Variants in FBXW9 observed in about 807,000 individuals in gnomAD.
FBXW9 encodes the protein F-box/WD repeat-containing protein 9.
A neutral mutation model predicts 55.8 loss-of-function variants in FBXW9; 38 were observed. That is an observed-to-expected ratio of 0.68 (90% confidence interval 0.53 to 0.89). FBXW9 has a LOEUF of 0.89. Ranked by LOEUF, FBXW9 falls within the 40% of genes least tolerant of loss-of-function variation. The pLI is 0.00. For synonymous variants in FBXW9, 289 were observed against 278.2 expected (o/e 1.04, Z -0.38); for missense variants, 590 against 619.4 (o/e 0.95, Z 0.50).
At chr19:12,691,053 T>G (rs1368585228) in intron 5 of FBXW9, 113 bp downstream of exon 5, 3 of 942,766 alleles carry the variant, frequency 3.2e-6, no homozygotes, top group African/African-American at 3.2e-5. Context: ...ATGGCCACTC[T>G]GAGTGGTGAG....
In FBXW9 at chr19:12,696,529, G is replaced by A. The variant is rs746891816; in HGVS notation, c.53C>T (p.Ser18Leu). 8 of 1,612,638 alleles carry A rather than the reference G, an allele frequency of 5.0e-6. No homozygotes were observed. In the South Asian group the frequency reaches 6.6e-5, roughly 13 times the overall value. ...TGGGTCTGTCTCTGACTCTGGGTCC[G>A]AGTCATCGTCCCAGGTGCGGGAATC... The part of the protein sequence containing the change: ...CDDSRTWDDD[S>L]DPESETDPDA... Residue 18 changes from serine to leucine, a missense_variant, in exon 1 of 10, where the codon TCG becomes TTG. Coordinates refer to ENST00000393261, the MANE Select transcript of FBXW9 (RefSeq NM_032301.3).
At chr19:12,691,310 C>A (rs1404837361) in intron 4 of FBXW9, 32 bp downstream of exon 4, 1 of 1,612,730 alleles carries the variant, frequency 6.2e-7, no homozygotes, top group Non-Finnish European at 8.5e-7. Flanking sequence ...GGGTCCTATC[C>A]CCGCAGGCCC....
At chr19:12,690,547 T>C (rs1254641952) in intron 5 of FBXW9, among the ~76,000 whole-genome samples, 1 of 152,080 alleles carries the variant, frequency 6.6e-6, no homozygotes, top group Non-Finnish European at 1.5e-5. Flanking sequence ...TTTGGGAGGC[T>C]GATATGGGCA....
intron 1 of FBXW9, among the ~76,000 whole-genome samples, 175 bp from the exon 2 acceptor site, chr19:12,695,113 T>A (rs1181939290): frequency 6.6e-6 from 1 of 152,180 alleles, no homozygotes; most frequent in East Asian, 1.9e-4. Flanking sequence ...TGGGACCACC[T>A]GCCTGCCCAT....
rs768833266 is a variant in FBXW9, at chr19:12,690,127, C to T, written c.884-17G>A. 8.7e-6 allele frequency: 14 copies of T among 1,613,058 alleles called. No individual in the cohort carries two copies. In the East Asian group the frequency reaches 2.9e-4, roughly 33 times the overall value. ...CTGGGCCGGCTTCATGGGTGATGGGCCGGTGAGGAGGGATATCAGAGCCCC... is the reference window on the plus strand; with the variant it reads ...CTGGGCCGGCTTCATGGGTGATGGGTCGGTGAGGAGGGATATCAGAGCCCC... On this transcript the variant is annotated splice_polypyrimidine_tract_variant and intron_variant, in intron 5 of 9. Coordinates refer to ENST00000393261, the MANE Select transcript of FBXW9 (RefSeq NM_032301.3).
Position 12,694,654 on chromosome 19 carries a change from C to A in FBXW9, c.618G>T (p.Gly206=), listed in dbSNP as rs749168053. ...TGATCAGAACCTGGTTGGACTCCGT[C>A]CCCAGCTGCCGCAGGTCCCACAAGT... ...NVNLWDLRQL[G]TESNQVLIKT... The change falls in exon 3 of 10, where the codon GGG becomes GGT. Residue 206 remains glycine (G), a synonymous_variant. Transcript: ENST00000393261. The A allele has an allele frequency of 6.2e-7, 1 of 1,614,220 alleles. No individual in the cohort carries two copies. Among genetic ancestry groups the A allele is most frequent in the Non-Finnish European group, 8.5e-7 (1 of 1,180,040 alleles).
chr19:12,695,321 A>G (rs1489934189), intron 1 of FBXW9, among the ~76,000 whole-genome samples: 1 of 152,108 alleles, frequency 6.6e-6, no homozygotes, highest in Non-Finnish European at 1.5e-5. Context: ...TCTGAACCAG[A>G]CCAAGGGGGC....
At position 12,696,169 on chromosome 19, in the gene FBXW9, G is replaced by A. The variant is rs1304924648; in HGVS notation, c.409+4C>T. ...CCCGGTCCCCGGCCCCCGGCCCCGC[G>A]CACCTTCCACCACTGGGTAGGGCGC... is the stretch of plus-strand genomic sequence containing the variant. On this transcript the variant is annotated splice_donor_region_variant and intron_variant, in intron 1 of 9. Transcript: ENST00000393261. 1.3e-6 allele frequency: 2 copies of A among 1,516,276 alleles called. No homozygotes were observed. Among genetic ancestry groups the A allele is most frequent in the Non-Finnish European group, 1.8e-6 (2 of 1,139,396 alleles). The allele number at this position is 1,516,276 out of a possible 1,614,324, so 93.9% of individuals were successfully genotyped here.
rs1338991563 is a variant in FBXW9 at position 12,696,340 on chromosome 19, C to T, written c.242G>A (p.Ser81Asn). ...CTCGAGCAGCAGCTCCGGGGGAAGG[C>T]TCAGAAGGCCCGGCTCACTTACGGC... ...VSAVSEPGLL[S>N]LPPELLLEIC... Residue 81 changes from serine (S) to asparagine (N), a missense_variant, in exon 1 of 10, where the codon AGC becomes AAC. Physicochemically the swap from Ser to Asn is conservative, Grantham distance 46. Coordinates refer to ENST00000393261, the MANE Select transcript of FBXW9 (RefSeq NM_032301.3). The T allele has an allele frequency of 1.3e-6, 2 of 1,598,090 alleles. No homozygotes were observed. Among genetic ancestry groups the T allele is most frequent in the Admixed American group, 1.8e-5 (1 of 56,840 alleles).
intron 1 of FBXW9, among the ~76,000 whole-genome samples, chr19:12,695,862 T>C (rs2025064039): frequency 6.6e-6 from 1 of 152,012 alleles, no homozygotes; most frequent in Non-Finnish European, 1.5e-5. Flanking sequence ...CAATCAGGGG[T>C]CAGTGGCTTA....
Position 12,689,305 on chromosome 19 carries a change from G to A in FBXW9, c.1303-15C>T. The A allele has an allele frequency of 1.2e-6, 2 of 1,614,200 alleles. No individual in the cohort carries two copies. The highest frequency in any genetic ancestry group is 1.1e-5 in the South Asian group (1 of 91,086). ...TCAGCACAGACCTGGGAAGGGGGAG[G>A]AACATGAGGAGTCAGGGACGATGGC... On this transcript the variant is annotated splice_polypyrimidine_tract_variant and intron_variant, in intron 9 of 9. Coordinates refer to ENST00000393261, the MANE Select transcript of FBXW9 (RefSeq NM_032301.3). The surrounding 1 kb of genome is among the most constrained non-coding windows in gnomAD (Gnocchi z 5.9).
rs755318458 is a variant in FBXW9 at position 12,696,288 on chromosome 19, G to A, written c.294C>T (p.Leu98=). 3.8e-6 allele frequency: 6 copies of A among 1,576,064 alleles called. No homozygotes were observed. In the East Asian group the frequency reaches 9.4e-5, roughly 25 times the overall value. ...LEICSYLDAR[L]VLHVLSRVCH... ...ACACCCGCGACAGGACGTGGAGCAC[G>A]AGGCGGGCGTCCAGGTAGGAGCAGA... The change falls in exon 1 of 10, where the codon CTC becomes CTT. Residue 98 remains leucine, a synonymous_variant. Coordinates refer to ENST00000393261, the MANE Select transcript of FBXW9 (RefSeq NM_032301.3).
rs538416657 is a variant in FBXW9 at position 12,692,058 on chromosome 19, G to A, written c.679-604C>T. Among the ~76,000 whole-genome samples, 3 of 142,988 alleles carry A rather than the reference G, an allele frequency of 2.1e-5. No homozygotes were observed. The East Asian group carries it at 6.2e-4, about 29-fold the overall frequency. 93.8% of individuals were successfully genotyped at this position (142,988 alleles called of 152,430 possible). On this transcript the variant is annotated intron_variant, in intron 3 of 9. Coordinates refer to ENST00000393261, the MANE Select transcript of FBXW9 (RefSeq NM_032301.3). ...GGCATGTGCCACTGTGCCTGGCCCA[G>A]GAACTCTTTTTTTTTTTTTGAGACA...
chr19:12,690,790 A>G (rs1004499682), intron 5 of FBXW9, among the ~76,000 whole-genome samples: 1 of 152,088 alleles, frequency 6.6e-6, no homozygotes, highest in Non-Finnish European at 1.5e-5. Flanking sequence ...GACTACAGGT[A>G]GGCGCCACCA....
chr19:12,693,553 TATATATATACACACACACAC>T (rs1177513517), intron 3 of FBXW9, among the ~76,000 whole-genome samples: 3 of 21,132 alleles, frequency 1.4e-4, no homozygotes, highest in African/African-American at 2.0e-4. Context: ...TATATATATA[TATATATATACACACACACAC>T]ACACACACAC....
Position 12,696,553 on chromosome 19 carries a change from T to C in FBXW9, c.29A>G (p.Asp10Gly). 1 of 1,611,764 alleles carries C rather than the reference T, an allele frequency of 6.2e-7. No individual in the cohort carries two copies. Among genetic ancestry groups the C allele is most frequent in the Non-Finnish European group, 8.5e-7 (1 of 1,179,930 alleles). ...CGAGTCATCGTCCCAGGTGCGGGAA[T>C]CATCGCACCGCCCTAGGGGAAGCTC... MELPLGRCD[D>G]SRTWDDDSDP... The change falls in exon 1 of 10, where the codon GAT becomes GGT. Residue 10 changes from aspartate to glycine, a missense_variant. Coordinates refer to ENST00000393261, the MANE Select transcript of FBXW9 (RefSeq NM_032301.3).
chr19:12,693,389 T>G (rs1267320988), intron 3 of FBXW9, among the ~76,000 whole-genome samples: 1 of 149,606 alleles, frequency 6.7e-6, no homozygotes, highest in East Asian at 2.0e-4. Context: ...CTGGGCACCG[T>G]GGCTCATGCC....
rs950977822 is a variant in FBXW9, at chr19:12,689,519, G to T, written c.1236+22C>A. 6 of 1,613,758 alleles carry T rather than the reference G, an allele frequency of 3.7e-6. 1 individual carries two copies. The highest frequency in any genetic ancestry group is 4.5e-5 in the East Asian group (2 of 44,874). ...GGAGAGGCAGGGACTGTCCTGGGGTGGGGGCTGGGCAGGAGCCTCACCCGG... is the reference window on the plus strand; with the variant it reads ...GGAGAGGCAGGGACTGTCCTGGGGTTGGGGCTGGGCAGGAGCCTCACCCGG... On this transcript the variant is annotated intron_variant, in intron 8 of 9. Coordinates refer to ENST00000393261, the MANE Select transcript of FBXW9 (RefSeq NM_032301.3). This position sits in a 1 kb window ranked among gnomAD's most constrained non-coding sequence, Gnocchi z 5.9.
Position 12,691,359 on chromosome 19 carries a change from C to T in FBXW9, c.774G>A (p.Gln258=), listed in dbSNP as rs758427714. Residue 258 remains glutamine, a synonymous_variant, in exon 4 of 10, where the codon CAG becomes CAA. Coordinates refer to ENST00000393261, the MANE Select transcript of FBXW9 (RefSeq NM_032301.3). ...VKLWDMAADG[Q]QFGEIKASSA... The stretch of plus-strand genomic sequence containing the variant: ...CCACACACTTTATCTCGCCGAACTG[C>T]TGCCCATCCGCTGCCATGTCCCAGA... 2.5e-6 allele frequency: 4 copies of T among 1,613,742 alleles called. No homozygotes were observed. The East Asian group carries it at 8.9e-5, about 36-fold the overall frequency.
Sources: gnomAD v4.1 joint callset for allele counts (sites outside exome capture counted in the v4.1 genomes callset) on GRCh38, gnomAD v4.1.1 for gene constraint, Gnocchi (gnomAD v3.1) non-coding constraint, MANE v1.5 for transcripts, NCBI Gene and HGNC (gene_info 2026-07-23, HGNC 2026-07-21) for gene names.